Variants in CNTN4 observed in about 807,000 individuals in gnomAD.
CNTN4 encodes contactin 4, also known as contactin-4.
Under a neutral mutation model 122.5 loss-of-function variants are expected in CNTN4, and 77 were observed. The observed-to-expected ratio is 0.63, with a 90% confidence interval of 0.52 to 0.76. The LOEUF is 0.76. CNTN4 is among the 30% of genes least tolerant of loss of function. The pLI, the probability that CNTN4 is intolerant of heterozygous loss-of-function variation, is 0.00. For synonymous variants in CNTN4, 512 were observed against 447.0 expected (o/e 1.15, Z -1.83); for missense variants, 1,256 against 1,259.1 (o/e 1.00, Z 0.04).
intron 3 of CNTN4, among the ~76,000 whole-genome samples, chr3:2,379,001 T>A (rs1264796732): frequency 1.3e-5 from 2 of 152,166 alleles, no homozygotes; most frequent in East Asian, 3.9e-4. Flanking sequence ...ACAATTTTCC[T>A]TTTCATTGCC....
chr3:2,542,318 C>A (rs910707867), intron 3 of CNTN4, among the ~76,000 whole-genome samples: 1 of 152,004 alleles, frequency 6.6e-6, no homozygotes, highest in East Asian at 1.9e-4. Flanking sequence ...GTCAGATAGG[C>A]AAAACAGGAC....
chr3:2,278,164 T>C (rs1370493403), intron 2 of CNTN4, among the ~76,000 whole-genome samples: 1 of 152,150 alleles, frequency 6.6e-6, no homozygotes, highest in African/African-American at 2.4e-5. Context: ...GAGAGGAGCC[T>C]CTAACATAGG....
At chr3:2,857,566 T>C (rs972484721) in intron 7 of CNTN4, among the ~76,000 whole-genome samples, 1 of 152,200 alleles carries the variant, frequency 6.6e-6, no homozygotes, top group Non-Finnish European at 1.5e-5. Context: ...CTGAACAGAC[T>C]GGGCCATCTA....
At chr3:2,453,414 G>T (rs1057058670) in intron 3 of CNTN4, among the ~76,000 whole-genome samples, 1 of 152,132 alleles carries the variant, frequency 6.6e-6, no homozygotes, top group South Asian at 2.1e-4. Context: ...TCGAAAAGCA[G>T]TAATGATAGC....
rs576180669 is a variant in CNTN4, at chr3:2,861,061, G to A, written c.455-5691G>A. On this transcript the variant is annotated intron_variant, in intron 7 of 24. Coordinates refer to ENST00000418658, the MANE Select transcript of CNTN4 (RefSeq NM_175607.3). ...ATTTTTGTTGAAAAAAATGCCAAAAGAAACTCTAAGAATTTACATTAATAT... is the reference window on the plus strand; with the variant it reads ...ATTTTTGTTGAAAAAAATGCCAAAAAAAACTCTAAGAATTTACATTAATAT... Among the ~76,000 whole-genome samples the A allele has an allele frequency of 1.2e-3, 178 of 152,256 alleles. 1 individual carries two copies. Among genetic ancestry groups the A allele is most frequent in the Admixed American group, 2.5e-3 (38 of 15,292 alleles).
At chr3:2,876,683 T>C (rs2093848556) in intron 8 of CNTN4, among the ~76,000 whole-genome samples, 1 of 152,238 alleles carries the variant, frequency 6.6e-6, no homozygotes, top group African/African-American at 2.4e-5. Flanking sequence ...ATTCTCTAAA[T>C]TGCCAGTTGT....
chr3:2,224,061 G>A (rs562133134), intron 2 of CNTN4, among the ~76,000 whole-genome samples: 1 of 152,252 alleles, frequency 6.6e-6, no homozygotes, highest in South Asian at 2.1e-4. Context: ...GTTGTCTGGA[G>A]TAGCCCTCAT....
chr3:3,036,978 AGT>A (rs1374792280), intron 17 of CNTN4, among the ~76,000 whole-genome samples, 199 bp from the exon 18 acceptor site: 1 of 152,104 alleles, frequency 6.6e-6, no homozygotes, highest in East Asian at 1.9e-4. Context: ...ATCTGATTAG[AGT>A]GTGTTAGTTT....
chr3:2,749,057 T>C (rs1206318839), intron 6 of CNTN4, among the ~76,000 whole-genome samples: 1 of 152,236 alleles, frequency 6.6e-6, no homozygotes, highest in Non-Finnish European at 1.5e-5. Context: ...CGTGTCACCC[T>C]GTCTAACATA....
At chr3:2,433,958 G>A (rs1205608561) in intron 3 of CNTN4, among the ~76,000 whole-genome samples, 1 of 152,120 alleles carries the variant, frequency 6.6e-6, no homozygotes, top group Admixed American at 6.6e-5. Context: ...TTACAAAGTT[G>A]AACTCATAGA....
In CNTN4 at chr3:3,034,795, C is replaced by A. The variant is rs750978590; in HGVS notation, c.1942+5C>A. 6.2e-7 allele frequency: 1 copy of A among 1,614,068 alleles called. No individual in the cohort carries two copies. Among genetic ancestry groups the A allele is most frequent in the East Asian group, 2.2e-5 (1 of 44,884 alleles). ...GCTGGCAAGCAGTCAGTACAGGTAC[C>A]ATATTGGATGCTTGGCTCAGAGACA... On this transcript the variant is annotated splice_donor_5th_base_variant and intron_variant, in intron 17 of 24. Transcript: ENST00000418658.
chr3:2,453,562 C>T (rs1162933520), intron 3 of CNTN4, among the ~76,000 whole-genome samples: 5 of 151,984 alleles, frequency 3.3e-5, no homozygotes, highest in African/African-American at 4.8e-5. Flanking sequence ...GATTCAATGC[C>T]GTGTTCATGA....
intron 4 of CNTN4, among the ~76,000 whole-genome samples, chr3:2,594,581 G>A (rs2080671782): frequency 6.6e-6 from 1 of 151,998 alleles, no homozygotes; most frequent in African/African-American, 2.4e-5. Context: ...ACCACACCCG[G>A]CTAATATTTA....
intron 23 of CNTN4, among the ~76,000 whole-genome samples, chr3:3,048,816 G>T (rs906015628): frequency 6.6e-6 from 1 of 152,072 alleles, no homozygotes; most frequent in African/African-American, 2.4e-5. Flanking sequence ...TCACTAAGTT[G>T]TCTGAATTCT....
chr3:2,266,106 T>C (rs1404630014), intron 2 of CNTN4, among the ~76,000 whole-genome samples: 1 of 152,106 alleles, frequency 6.6e-6, no homozygotes, highest in Non-Finnish European at 1.5e-5. Flanking sequence ...CTATGGTGAA[T>C]GGAAGTGGTG....
In CNTN4 at chr3:2,435,586, T is replaced by C. The variant is rs76873166; in HGVS notation, c.-89+96353T>C. On this transcript the variant is annotated intron_variant, in intron 3 of 24. Coordinates refer to ENST00000418658, the MANE Select transcript of CNTN4 (RefSeq NM_175607.3). The stretch of plus-strand genomic sequence containing the variant: ...AGCCTGTTTCAGCAAGGCTTCTCAG[T>C]TGACCTGCAGAACACAGGAAATTAT... Among the ~76,000 whole-genome samples the C allele has an allele frequency of 7.3e-3, 1,117 of 152,234 alleles. 18 individuals are homozygous for C. Among genetic ancestry groups the C allele is most frequent in the African/African-American group, 0.026 (1,062 of 41,548 alleles).
In CNTN4 at chr3:2,424,892, C is replaced by T. The variant is rs375073494; in HGVS notation, c.-89+85659C>T. 2.5e-4 allele frequency among the ~76,000 whole-genome samples: 38 copies of T among 152,232 alleles called. No homozygotes were observed. The East Asian group carries it at 6.0e-3, about 24-fold the overall frequency. ...TCTTTTGAGAAGTGTCTGTTCATATCCTTTGCCCACTTGTTGATGGGGTTG... is the reference window on the plus strand; with the variant it reads ...TCTTTTGAGAAGTGTCTGTTCATATTCTTTGCCCACTTGTTGATGGGGTTG... On this transcript the variant is annotated intron_variant, in intron 3 of 24. Coordinates refer to ENST00000418658, the MANE Select transcript of CNTN4 (RefSeq NM_175607.3).
intron 3 of CNTN4, among the ~76,000 whole-genome samples, chr3:2,454,007 A>G (rs2048918010): frequency 6.6e-6 from 1 of 151,816 alleles, no homozygotes; most frequent in Non-Finnish European, 1.5e-5. Context: ...TTGCATGGAT[A>G]TCCTCAGAAT....
At chr3:2,128,859 G>A (rs532663381) in intron 2 of CNTN4, among the ~76,000 whole-genome samples, 7 of 152,284 alleles carry the variant, frequency 4.6e-5, no homozygotes, top group East Asian at 1.9e-4. Flanking sequence ...TTTCCTCAAC[G>A]TATAGTGAGT....
Sources: allele counts gnomAD v4.1 joint callset (sites outside exome capture counted in the v4.1 genomes callset), GRCh38; gene constraint gnomAD v4.1.1; transcripts MANE v1.5; gene names NCBI Gene and HGNC (gene_info 2026-07-23, HGNC 2026-07-21).